Variants in CACNB2 observed in about 807,000 individuals in gnomAD.
CACNB2 encodes calcium voltage-gated channel auxiliary subunit beta 2.
Under a neutral mutation model 73.3 loss-of-function variants are expected in CACNB2, and 42 were observed. That is an observed-to-expected ratio of 0.57 (90% confidence interval 0.45 to 0.74). CACNB2 has a LOEUF of 0.74. Among genes scored for constraint, CACNB2 ranks in the 30% least tolerant of loss-of-function variants. The pLI is 0.00. For synonymous variants in CACNB2, 348 were observed against 310.3 expected, an observed-to-expected ratio of 1.12 and a Z score of -1.28; for missense variants, 940 against 853.0, an observed-to-expected ratio of 1.10 and a Z score of -1.27.
chr10:18,442,339 T>TGCGG (rs1319915156), intron 3 of CACNB2, among the ~76,000 whole-genome samples: 1 of 151,732 alleles, frequency 6.6e-6, no homozygotes, highest in Admixed American at 6.6e-5. Context: ...TTAGTAGAGA[T>TGCGG]GGGTTTCACC....
At chr10:18,309,475 G>T (rs1181606687) in intron 2 of CACNB2, among the ~76,000 whole-genome samples, 3 of 152,010 alleles carry the variant, frequency 2.0e-5, no homozygotes, top group African/African-American at 7.2e-5. Context: ...CCTTTTTTTA[G>T]TTTAGTGGAG....
chr10:18,417,557 C>T (rs1038031382), intron 3 of CACNB2, among the ~76,000 whole-genome samples: 1 of 151,686 alleles, frequency 6.6e-6, no homozygotes, highest in African/African-American at 2.4e-5. Flanking sequence ...TTAGTAGAGA[C>T]AGGTTTCACC....
intron 5 of CACNB2, among the ~76,000 whole-genome samples, chr10:18,501,345 A>C (rs1441008475): frequency 6.6e-6 from 1 of 152,256 alleles, no homozygotes; most frequent in East Asian, 1.9e-4. Flanking sequence ...ATTCTCAGAC[A>C]TCATCAGGCA....
At position 18,452,078 on chromosome 10, in the gene CACNB2, A is replaced by G. The variant is rs191039081; in HGVS notation, c.334-46277A>G. Among the ~76,000 whole-genome samples, 9 of 152,320 alleles carry G rather than the reference A, an allele frequency of 5.9e-5. No individual in the cohort carries two copies. The East Asian group carries it at 9.6e-4, about 16-fold the overall frequency. Reference sequence around the variant, plus strand: ...TCTCCTATAAAAAGTTTGCATCTTCATGAATTATTCCTATCTTAGTAAATT... The same window carrying G: ...TCTCCTATAAAAAGTTTGCATCTTCGTGAATTATTCCTATCTTAGTAAATT... On this transcript the variant is annotated intron_variant, in intron 3 of 13. Coordinates refer to ENST00000324631, the MANE Select transcript of CACNB2 (RefSeq NM_201596.3).
intron 2 of CACNB2, among the ~76,000 whole-genome samples, chr10:18,207,441 TA>T (rs1201862434): frequency 1.3e-5 from 2 of 152,220 alleles, no homozygotes; most frequent in Non-Finnish European, 2.9e-5. Context: ...AGAAACAGTA[TA>T]TCAGAACTAT....
chr10:18,400,138 T>G (rs182741263), intron 2 of CACNB2, among the ~76,000 whole-genome samples: 15 of 152,340 alleles, frequency 9.8e-5, no homozygotes, highest in Admixed American at 9.8e-4. Context: ...TTTCGTGTCC[T>G]AATTAAATGG....
At chr10:18,240,574 T>A (rs2036609980) in intron 2 of CACNB2, among the ~76,000 whole-genome samples, 2 of 152,182 alleles carry the variant, frequency 1.3e-5, no homozygotes, top group African/African-American at 4.8e-5. Flanking sequence ...CACCTCAGAC[T>A]CAACACATCC....
chr10:18,199,941 C>CTGTGTGTGTGTGTGTG (rs141377460), intron 2 of CACNB2, among the ~76,000 whole-genome samples: 49 of 136,512 alleles, frequency 3.6e-4, no homozygotes, highest in East Asian at 1.3e-3. Context: ...GTATATGAAA[C>CTGTGTGTGTGTGTGTG]TGTGTGTGTG....
chr10:18,343,953 G>A (rs535876890), intron 2 of CACNB2, among the ~76,000 whole-genome samples: 15 of 151,884 alleles, frequency 9.9e-5, no homozygotes, highest in African/African-American at 3.6e-4. Context: ...CTGAGTGGGC[G>A]TAAACCTGAG....
chr10:18,379,294 C>T (rs886411995), intron 2 of CACNB2, among the ~76,000 whole-genome samples: 49 of 152,240 alleles, frequency 3.2e-4, no homozygotes, highest in African/African-American at 1.2e-3. Context: ...CTCACTGCAA[C>T]CTCTGCCTCC....
At chr10:18,374,885 C>G (rs1469774187) in intron 2 of CACNB2, among the ~76,000 whole-genome samples, 1 of 152,124 alleles carries the variant, frequency 6.6e-6, no homozygotes. Flanking sequence ...TGTCCAGTAG[C>G]CCCTAGACTC....
At chr10:18,166,255 A>G (rs1327636247) in intron 2 of CACNB2, among the ~76,000 whole-genome samples, 2 of 152,168 alleles carry the variant, frequency 1.3e-5, no homozygotes, top group African/African-American at 4.8e-5. Flanking sequence ...TAATACAGAT[A>G]TTTATGAGGA....
intron 4 of CACNB2, among the ~76,000 whole-genome samples, chr10:18,500,338 T>C (rs12416052): frequency 0.38 from 58,022 of 152,132 alleles, 11,571 homozygotes; most frequent in Middle Eastern, 0.48. Context: ...GAACATCGCA[T>C]TGTATATTTA....
At chr10:18,154,403 A>G (rs971605616) in intron 2 of CACNB2, among the ~76,000 whole-genome samples, 2 of 151,922 alleles carry the variant, frequency 1.3e-5, no homozygotes, top group Admixed American at 6.6e-5. Flanking sequence ...CAGTGTGACT[A>G]TATTTGGAGA....
chr10:18,201,541 G>A (rs942849375), intron 2 of CACNB2, among the ~76,000 whole-genome samples: 1 of 152,100 alleles, frequency 6.6e-6, no homozygotes, highest in African/African-American at 2.4e-5. Flanking sequence ...TCCTAAAGTG[G>A]TGGGATTGCA....
At chr10:18,425,403 A>T (rs544879783) in intron 3 of CACNB2, among the ~76,000 whole-genome samples, 1 of 152,286 alleles carries the variant, frequency 6.6e-6, no homozygotes, top group East Asian at 1.9e-4. Flanking sequence ...GTGGTGGCTC[A>T]ATCCTGTAAC....
At chr10:18,400,964 G>A (rs569402536) in intron 2 of CACNB2, 21 of 1,611,154 alleles carry the variant, frequency 1.3e-5, no homozygotes, top group Middle Eastern at 1.9e-4. Context: ...GGTTCTCCGG[G>A]GCTCAGCGCG....
At chr10:18,346,610 C>G (rs570530716) in intron 2 of CACNB2, among the ~76,000 whole-genome samples, 3 of 150,390 alleles carry the variant, frequency 2.0e-5, no homozygotes, top group Admixed American at 2.0e-4. Context: ...GAGGGGAGCT[C>G]GGGGGGCACA....
intron 2 of CACNB2, among the ~76,000 whole-genome samples, chr10:18,352,803 T>C (rs555466446): frequency 1.0e-3 from 153 of 152,334 alleles, no homozygotes; most frequent in African/African-American, 3.5e-3. Flanking sequence ...ATTAGTATAT[T>C]GGATTTTCTC....
Sources: allele counts gnomAD v4.1 joint callset (sites outside exome capture counted in the v4.1 genomes callset), GRCh38; gene constraint gnomAD v4.1.1; transcripts MANE v1.5; gene names NCBI Gene and HGNC (gene_info 2026-07-23, HGNC 2026-07-21).